SPATA7: variants seen among roughly 807,000 people sequenced by gnomAD.
SPATA7 encodes the protein spermatogenesis associated 7, also known as spermatogenesis-associated protein 7.
In SPATA7, 43 loss-of-function variants were observed where a neutral mutation model predicts 51.8. That is an observed-to-expected ratio of 0.83 (90% CI 0.65 to 1.07). The LOEUF (loss-of-function observed/expected upper bound fraction) is 1.07. SPATA7 is among the 50% of genes least tolerant of loss of function. The pLI is 0.00. For missense variants in SPATA7, 683 were observed against 701.3 expected, an observed-to-expected ratio of 0.97 and a Z score of 0.30; for synonymous variants, 230 against 252.8, an observed-to-expected ratio of 0.91 and a Z score of 0.86.
intron 4 of SPATA7, chr14:88,468,360 G>T: frequency 8.3e-7 from 1 of 1,201,546 alleles, no homozygotes; most frequent in Non-Finnish European, 1.2e-6. Context: ...ACCTGGTTGG[G>T]AGATGGACAG....
intron 3 of SPATA7, among the ~76,000 whole-genome samples, chr14:88,395,335 T>C (rs1211084090): frequency 6.6e-6 from 1 of 152,036 alleles, no homozygotes; most frequent in African/African-American, 2.4e-5. Flanking sequence ...TAAATTTTAG[T>C]TTATATTTTA....
chr14:88,421,454 G>C (rs2076639515), intron 5 of SPATA7, among the ~76,000 whole-genome samples: 1 of 152,134 alleles, frequency 6.6e-6, no homozygotes, highest in South Asian at 2.1e-4. Context: ...AATGAGTCTG[G>C]ATTTTTTTCC....
chr14:88,456,008 G>C (rs2077281975), downstream of SPATA7, among the ~76,000 whole-genome samples: 3 of 151,744 alleles, frequency 2.0e-5, no homozygotes, highest in South Asian at 6.3e-4. Context: ...AGTTTGCTGA[G>C]AATGATGGTT....
chr14:88,459,930 C>A (rs147505881), downstream of SPATA7, among the ~76,000 whole-genome samples: 1 of 152,170 alleles, frequency 6.6e-6, no homozygotes, highest in Non-Finnish European at 1.5e-5. Flanking sequence ...AATCTCTCAG[C>A]ATTTGCTTGT....
intron 3 of SPATA7, among the ~76,000 whole-genome samples, chr14:88,395,412 A>C (rs1389758664): frequency 6.6e-6 from 1 of 152,072 alleles, no homozygotes; most frequent in Non-Finnish European, 1.5e-5. Flanking sequence ...AAAATCGTGA[A>C]GTCGTTTAGT....
chr14:88,402,878 A>C (rs1056917471), intron 4 of SPATA7, among the ~76,000 whole-genome samples: 16 of 145,396 alleles, frequency 1.1e-4, no homozygotes, highest in African/African-American at 3.7e-4. Context: ...AACTTACAGA[A>C]TGGGAGGAAA....
chr14:88,394,013 T>G (rs986980107), intron 3 of SPATA7, among the ~76,000 whole-genome samples: 2 of 152,134 alleles, frequency 1.3e-5, no homozygotes, highest in Admixed American at 1.3e-4. Flanking sequence ...ACCACCTGTT[T>G]CTGTACAGCC....
At chr14:88,433,394 T>C (rs1004842934) in intron 10 of SPATA7, among the ~76,000 whole-genome samples, 182 bp downstream of exon 10, 1 of 152,176 alleles carries the variant, frequency 6.6e-6, no homozygotes, top group Non-Finnish European at 1.5e-5. Context: ...TAATTCATAC[T>C]CTAGGGGAAG....
intron 4 of SPATA7, among the ~76,000 whole-genome samples, chr14:88,407,993 C>T (rs1394583530): frequency 6.6e-6 from 1 of 152,104 alleles, no homozygotes; most frequent in Non-Finnish European, 1.5e-5. Context: ...CAGTATCATG[C>T]TGTTTTGGTT....
chr14:88,391,876 C>G (rs1231501138), intron 2 of SPATA7: 1 of 171,354 alleles, frequency 5.8e-6, no homozygotes, highest in Non-Finnish European at 1.3e-5. Flanking sequence ...CTTTATCCAA[C>G]TGGATTTCTA....
rs2077078367 is a variant in SPATA7 at position 88,436,000 on chromosome 14, TG to T, written c.1161-1541del. Among the ~76,000 whole-genome samples the T allele has an allele frequency of 2.0e-5, 3 of 152,152 alleles. No homozygotes were observed. The South Asian group carries it at 6.2e-4, about 32-fold the overall frequency. On this transcript the variant is annotated intron_variant, in intron 10 of 11. Coordinates refer to ENST00000393545, the MANE Select transcript of SPATA7 (RefSeq NM_018418.5). The stretch of plus-strand genomic sequence containing the variant: ...GGGACCTCCAAACTGTTCTCCATAG[TG>T]GTTGAACTAATAGTTTACATTCTTA...
At chr14:88,411,705 T>C (rs954914778) in intron 4 of SPATA7, among the ~76,000 whole-genome samples, 1 of 152,138 alleles carries the variant, frequency 6.6e-6, no homozygotes, top group Non-Finnish European at 1.5e-5. Flanking sequence ...GCTGCACATA[T>C]ACAGTATTTC....
At chr14:88,393,262 A>G (rs2075791279) in intron 2 of SPATA7, 131 bp from the exon 3 acceptor site, 1 of 672,246 alleles carries the variant, frequency 1.5e-6, no homozygotes, top group Admixed American at 2.6e-5. Context: ...TCACATCACA[A>G]TGTCATATAT....
chr14:88,392,644 G>A (rs1045369194), intron 2 of SPATA7, among the ~76,000 whole-genome samples: 9 of 152,148 alleles, frequency 5.9e-5, no homozygotes, highest in African/African-American at 2.2e-4. Flanking sequence ...CTAAAGGTCA[G>A]GGTAGAGAAA....
intron 4 of SPATA7, among the ~76,000 whole-genome samples, chr14:88,468,668 A>G (rs2077403795): frequency 1.3e-5 from 2 of 152,208 alleles, no homozygotes; most frequent in Non-Finnish European, 1.5e-5. Flanking sequence ...CTCAAATTTG[A>G]AAAACCCTGG....
At chr14:88,463,903 A>G (rs1437298108) in intron 4 of SPATA7, among the ~76,000 whole-genome samples, 1 of 151,900 alleles carries the variant, frequency 6.6e-6, no homozygotes, top group African/African-American at 2.4e-5. Flanking sequence ...GCTGGAGTGC[A>G]GAGGCGAGAT....
chr14:88,434,064 CCTAACA>C (rs1194596815), intron 10 of SPATA7, among the ~76,000 whole-genome samples: 1 of 151,978 alleles, frequency 6.6e-6, no homozygotes, highest in Non-Finnish European at 1.5e-5. Context: ...TATGAATATA[CCTAACA>C]CTGCTGAATC....
chr14:88,424,984 A>G (rs1160271091), intron 5 of SPATA7, among the ~76,000 whole-genome samples: 1 of 152,200 alleles, frequency 6.6e-6, no homozygotes, highest in Non-Finnish European at 1.5e-5. Flanking sequence ...AAAATTTTTT[A>G]TGCTGTAAAA....
At chr14:88,464,806 G>A (rs1431724163) in intron 4 of SPATA7, among the ~76,000 whole-genome samples, 1 of 152,100 alleles carries the variant, frequency 6.6e-6, no homozygotes, top group Non-Finnish European at 1.5e-5. Flanking sequence ...TAATAAACCT[G>A]CTCTTGGCAA....
Sources: gnomAD v4.1 joint callset for allele counts (sites outside exome capture counted in the v4.1 genomes callset) on GRCh38, gnomAD v4.1.1 for gene constraint, MANE v1.5 for transcripts, NCBI Gene and HGNC (gene_info 2026-07-23, HGNC 2026-07-21) for gene names.